The following ITPR2 variants were observed in gnomAD, a reference collection of about 807,000 sequenced individuals.
ITPR2 encodes inositol 1,4,5-trisphosphate receptor type 2, also known as inositol 1,4,5-trisphosphate-gated calcium channel ITPR2.
Under a neutral mutation model 317.1 loss-of-function variants are expected in ITPR2, and 207 were observed. The ratio of observed to expected loss-of-function variants is 0.65; its 90% confidence interval spans 0.58 to 0.73. The LOEUF (loss-of-function observed/expected upper bound fraction) is 0.73. ITPR2 is among the 30% of genes least tolerant of loss of function. The pLI is 0.00. For missense variants in ITPR2, 2,613 were observed against 3,284.0 expected (o/e 0.80, Z 4.99); for synonymous variants, 1,156 against 1,149.1 (o/e 1.01, Z -0.12).
chr12:26,747,125 A>C (rs1166130084), intron 2 of ITPR2, among the ~76,000 whole-genome samples: 2 of 152,166 alleles, frequency 1.3e-5, no homozygotes, highest in East Asian at 3.8e-4. Context: ...TTTATCTGAG[A>C]CTTTCCATTG....
chr12:26,722,298 A>G, intron 5 of ITPR2, 99 bp downstream of exon 5: 1 of 1,077,722 alleles, frequency 9.3e-7, no homozygotes, highest in Non-Finnish European at 1.3e-6. Flanking sequence ...ATTGAGTAAA[A>G]ACTATATTTT....
chr12:26,408,348 C>T (rs1008718954), intron 52 of ITPR2, among the ~76,000 whole-genome samples: 9 of 152,152 alleles, frequency 5.9e-5, no homozygotes, highest in African/African-American at 2.2e-4. Flanking sequence ...ACTACTCTCC[C>T]GTTTTCTAAA....
chr12:26,417,005 G>T (rs1940740874), intron 50 of ITPR2, among the ~76,000 whole-genome samples: 1 of 152,116 alleles, frequency 6.6e-6, no homozygotes. Flanking sequence ...TGTTGACATT[G>T]GGCAAGCTGA....
intron 39 of ITPR2, among the ~76,000 whole-genome samples, chr12:26,491,848 A>C (rs1293865652): frequency 6.6e-6 from 1 of 152,224 alleles, no homozygotes; most frequent in Non-Finnish European, 1.5e-5. Flanking sequence ...GCGTGTATGG[A>C]GAGCAACAGC....
chr12:26,760,897 T>C (rs533921744), intron 2 of ITPR2, among the ~76,000 whole-genome samples: 20 of 152,300 alleles, frequency 1.3e-4, no homozygotes, highest in African/African-American at 4.1e-4. Flanking sequence ...ATAATCTACA[T>C]TCATAATTGA....
rs116203367 is a variant in ITPR2 at position 26,463,999 on chromosome 12, T to A, written c.6342+11297A>T. ...TCTCGGTTTATCTAAATCTTATCAA[T>A]CCATAAGATTCATCTAAAATGCAAG... On this transcript the variant is annotated intron_variant, in intron 45 of 56. Coordinates refer to ENST00000381340, the MANE Select transcript of ITPR2 (RefSeq NM_002223.4). Among the ~76,000 whole-genome samples, 896 of 152,248 alleles carry A rather than the reference T, an allele frequency of 5.9e-3. 13 individuals carry two copies. Among genetic ancestry groups the A allele is most frequent in the African/African-American group, 0.021 (856 of 41,540 alleles).
chr12:26,501,644 TAGTA>T (rs1201953628), intron 37 of ITPR2, among the ~76,000 whole-genome samples: 1 of 152,210 alleles, frequency 6.6e-6, no homozygotes, highest in African/African-American at 2.4e-5. Context: ...TCAATGATTC[TAGTA>T]AAGAGCCTTG....
chr12:26,771,427 G>A (rs973160826), intron 2 of ITPR2, among the ~76,000 whole-genome samples: 1 of 152,182 alleles, frequency 6.6e-6, no homozygotes, highest in Admixed American at 6.5e-5. Context: ...CACTCACCTA[G>A]GGACTATTAG....
Position 26,628,042 on chromosome 12 carries a change from G to T in ITPR2, c.3055C>A (p.Leu1019Ile). The change falls in exon 23 of 57, where the codon CTA becomes ATA. Residue 1019 changes from leucine (L) to isoleucine (I), a missense_variant. Leu to Ile is a conservative substitution (Grantham distance 5, BLOSUM62 2). Transcript: ENST00000381340. The part of the protein sequence containing the change: ...TSASGSPDTL[L>I]PSAIVPDIDE... ...TGTCACAAAAAGATACCTGATGGTA[G>T]TAAAGTGTCTGGAGATCCACTGGCA... 6.2e-7 allele frequency: 1 copy of T among 1,609,296 alleles called. No individual in the cohort carries two copies. The highest frequency in any genetic ancestry group is 1.1e-5 in the South Asian group (1 of 89,446).
intron 34 of ITPR2, among the ~76,000 whole-genome samples, chr12:26,578,426 A>C (rs1377733550): frequency 6.6e-6 from 1 of 152,198 alleles, no homozygotes; most frequent in Non-Finnish European, 1.5e-5. Context: ...TTCCATAATG[A>C]AATCTGAGGT....
At chr12:26,725,135 T>C (rs771195328) in intron 3 of ITPR2, among the ~76,000 whole-genome samples, 5 of 152,172 alleles carry the variant, frequency 3.3e-5, no homozygotes, top group African/African-American at 4.8e-5. Flanking sequence ...AAAATTACTT[T>C]AAGAAGGTAT....
At chr12:26,399,528 A>C (rs1940102731) in intron 53 of ITPR2, among the ~76,000 whole-genome samples, 1 of 152,224 alleles carries the variant, frequency 6.6e-6, no homozygotes, top group Non-Finnish European at 1.5e-5. Context: ...TGCAAATTAG[A>C]GACCAGGCAA....
At chr12:26,682,473 T>C in intron 12 of ITPR2, 101 bp downstream of exon 12, 1 of 726,540 alleles carries the variant, frequency 1.4e-6, no homozygotes, top group Non-Finnish European at 2.3e-6. Context: ...GTAATATTGG[T>C]GAAGATGGAG....
At chr12:26,486,494 CA>C (rs1942672269) in intron 40 of ITPR2, 134 bp from the exon 41 acceptor site, 2 of 778,412 alleles carry the variant, frequency 2.6e-6, no homozygotes, top group South Asian at 2.0e-5. Context: ...CAACAATTTC[CA>C]AAAAGGATTT....
At chr12:26,468,929 T>TTAAAATATTTTTGGCTCCTCTCCC (rs1942237933) in intron 45 of ITPR2, among the ~76,000 whole-genome samples, 2 of 152,196 alleles carry the variant, frequency 1.3e-5, no homozygotes, top group Non-Finnish European at 2.9e-5. Flanking sequence ...GTTTCTCTCC[T>TTAAAATATTTTTGGCTCCTCTCCC]TAAAATATTT....
intron 43 of ITPR2, among the ~76,000 whole-genome samples, chr12:26,479,448 A>G (rs893924956): frequency 6.6e-6 from 1 of 152,136 alleles, no homozygotes; most frequent in African/African-American, 2.4e-5. Flanking sequence ...AAGTTTAATT[A>G]ATTACAAATG....
At chr12:26,591,027 C>T (rs1420071223) in intron 32 of ITPR2, among the ~76,000 whole-genome samples, 3 of 138,664 alleles carry the variant, frequency 2.2e-5, no homozygotes, top group Non-Finnish European at 4.5e-5. Context: ...TTGCAGTGAC[C>T]TGAGATAGCA....
At chr12:26,561,201 G>T (rs1165009233) in intron 35 of ITPR2, among the ~76,000 whole-genome samples, 1 of 152,188 alleles carries the variant, frequency 6.6e-6, no homozygotes, top group Admixed American at 6.5e-5. Context: ...GCAAGCCCAG[G>T]AGAGAAGCCT....
chr12:26,763,052 C>T (rs1836376699), intron 2 of ITPR2, among the ~76,000 whole-genome samples: 1 of 152,044 alleles, frequency 6.6e-6, no homozygotes, highest in African/African-American at 2.4e-5. Flanking sequence ...ATCTATTGTA[C>T]ATTATGACTA....
Sources: gnomAD v4.1 joint callset for allele counts (sites outside exome capture counted in the v4.1 genomes callset) on GRCh38, gnomAD v4.1.1 for gene constraint, MANE v1.5 for transcripts, NCBI Gene and HGNC (gene_info 2026-07-23, HGNC 2026-07-21) for gene names.